Variants in PAPPA2 observed in about 807,000 individuals in gnomAD.
PAPPA2 encodes pappalysin-2.
A neutral mutation model predicts 176.4 loss-of-function variants in PAPPA2; 86 were observed. The observed-to-expected ratio is 0.49, with a 90% CI of 0.41 to 0.58. PAPPA2 has a LOEUF of 0.58. Among genes scored for constraint, PAPPA2 ranks in the 20% least tolerant of loss-of-function variants. The pLI is 0.00. For missense variants in PAPPA2, 2,073 were observed against 2,256.9 expected (o/e 0.92, Z 1.65); for synonymous variants, 809 against 852.2 (o/e 0.95, Z 0.88).
intron 2 of PAPPA2, among the ~76,000 whole-genome samples, chr1:176,581,954 C>T (rs1653004169): frequency 8.5e-6 from 1 of 117,326 alleles, no homozygotes; most frequent in Admixed American, 1.1e-4. Flanking sequence ...GACGGAGTCT[C>T]ACTCTGTTGC....
intron 1 of PAPPA2, among the ~76,000 whole-genome samples, chr1:176,551,488 C>A (rs972000654): frequency 2.0e-5 from 3 of 152,200 alleles, no homozygotes; most frequent in East Asian, 1.9e-4. Context: ...TAAGGGGCAT[C>A]TCTCTTTCTC....
intron 21 of PAPPA2, among the ~76,000 whole-genome samples, chr1:176,826,454 A>G (rs926032946): frequency 6.6e-6 from 1 of 152,216 alleles, no homozygotes; most frequent in African/African-American, 2.4e-5. Flanking sequence ...GGGAATGTAA[A>G]CAAGACACTC....
intron 3 of PAPPA2, among the ~76,000 whole-genome samples, chr1:176,635,519 G>T (rs1303995224): frequency 6.6e-6 from 1 of 152,084 alleles, no homozygotes; most frequent in East Asian, 1.9e-4. Flanking sequence ...CTCTCAAATG[G>T]CAGCCTTCAT....
intron 21 of PAPPA2, among the ~76,000 whole-genome samples, chr1:176,813,485 A>T (rs1557887586): frequency 6.6e-6 from 1 of 152,138 alleles, no homozygotes; most frequent in African/African-American, 2.4e-5. Context: ...AGCCATTCTC[A>T]CTGGCATGAA....
intron 3 of PAPPA2, among the ~76,000 whole-genome samples, chr1:176,652,841 G>A (rs1347264705): frequency 6.6e-6 from 1 of 151,642 alleles, no homozygotes; most frequent in Non-Finnish European, 1.5e-5. Context: ...ACATGGTGCT[G>A]GGCAGGTTGT....
At chr1:176,798,154 A>G (rs993944388) in intron 20 of PAPPA2, among the ~76,000 whole-genome samples, 6 of 152,266 alleles carry the variant, frequency 3.9e-5, no homozygotes, top group African/African-American at 1.4e-4. Context: ...TTAAAAATCT[A>G]TAAGGTGGGT....
intron 2 of PAPPA2, among the ~76,000 whole-genome samples, chr1:176,573,081 A>T (rs1018500952): frequency 6.6e-6 from 1 of 152,176 alleles, no homozygotes; most frequent in Non-Finnish European, 1.5e-5. Context: ...GTGCTGAGGC[A>T]TCCTGTTGTG....
chr1:176,474,736 A>G (rs1171987296), intron 1 of PAPPA2, among the ~76,000 whole-genome samples: 3 of 152,240 alleles, frequency 2.0e-5, no homozygotes, highest in South Asian at 2.1e-4. Flanking sequence ...TTAAATTTGT[A>G]TAGTATAAAA....
At chr1:176,542,688 C>T (rs534959106) in intron 1 of PAPPA2, among the ~76,000 whole-genome samples, 17 of 152,228 alleles carry the variant, frequency 1.1e-4, no homozygotes, top group South Asian at 6.2e-4. Context: ...GACAAGCTTA[C>T]GGGCTCAGAC....
chr1:176,745,120 C>T (rs1332507998), intron 14 of PAPPA2, among the ~76,000 whole-genome samples: 1 of 152,160 alleles, frequency 6.6e-6, no homozygotes, highest in Non-Finnish European at 1.5e-5. Context: ...CCACCCTCAT[C>T]ACATGTATTG....
intron 3 of PAPPA2, among the ~76,000 whole-genome samples, chr1:176,610,827 T>C (rs1479449612): frequency 6.6e-6 from 1 of 152,238 alleles, no homozygotes; most frequent in African/African-American, 2.4e-5. Flanking sequence ...TCTATTTATT[T>C]ATTCATTTAC....
At chr1:176,811,385 A>G (rs1019276735) in intron 21 of PAPPA2, among the ~76,000 whole-genome samples, 1 of 152,234 alleles carries the variant, frequency 6.6e-6, no homozygotes, top group Non-Finnish European at 1.5e-5. Flanking sequence ...CAAATCAGAT[A>G]TAATAATCAT....
Position 176,771,053 on chromosome 1 carries a change from A to G in PAPPA2, c.4588A>G (p.Ile1530Val), listed in dbSNP as rs2102913074. 6.2e-7 allele frequency: 1 copy of G among 1,614,034 alleles called. No homozygotes were observed. ...YCKLECDAPPIILNANLLLPH... is the reference protein window; with the variant it reads ...YCKLECDAPPVILNANLLLPH... ...CAAGTTGGAGTGTGATGCTCCCCCT[A>G]TTATTCTGAATGCCAACTTGCTCCT... The change falls in exon 17 of 23, where the codon ATT becomes GTT. Residue 1530 changes from isoleucine to valine, a missense_variant. Around this residue, in one of 4 missense-constraint regions of PAPPA2, gnomAD observed 846 missense variants for 857.9 expected, o/e 0.99. Transcript: ENST00000367662.
chr1:176,671,226 C>T (rs976093473), intron 4 of PAPPA2, 111 bp downstream of exon 4: 21 of 1,384,576 alleles, frequency 1.5e-5, no homozygotes, highest in Non-Finnish European at 2.1e-5. Flanking sequence ...TGAATTTACA[C>T]AGTGAATTAA....
At chr1:176,634,841 G>GATAGATAC (rs757081116) in intron 3 of PAPPA2, among the ~76,000 whole-genome samples, 199 of 115,990 alleles carry the variant, frequency 1.7e-3, no homozygotes, top group African/African-American at 4.1e-3. Context: ...TAGATAGATA[G>GATAGATAC]ATAGATACAT....
intron 17 of PAPPA2, among the ~76,000 whole-genome samples, chr1:176,774,292 C>G (rs1664355570): frequency 6.6e-6 from 1 of 152,174 alleles, no homozygotes; most frequent in Non-Finnish European, 1.5e-5. Context: ...TTCATACCTG[C>G]CACTATAGTA....
chr1:176,466,199 G>A (rs1651611709), intron 1 of PAPPA2, among the ~76,000 whole-genome samples: 1 of 152,088 alleles, frequency 6.6e-6, no homozygotes. Context: ...ATATGGGAAT[G>A]AATTATTGCA....
At chr1:176,611,010 C>A (rs774592548) in intron 3 of PAPPA2, among the ~76,000 whole-genome samples, 7 of 152,012 alleles carry the variant, frequency 4.6e-5, no homozygotes, top group Admixed American at 1.3e-4. Flanking sequence ...TATCTTTAGC[C>A]CCCTAAGTCT....
intron 6 of PAPPA2, among the ~76,000 whole-genome samples, chr1:176,694,453 C>A (rs1476704326): frequency 2.0e-5 from 3 of 152,334 alleles, no homozygotes; most frequent in South Asian, 4.1e-4. Flanking sequence ...ATGAAAAGCA[C>A]GACACAGCGG....
Sources: allele counts gnomAD v4.1 joint callset (sites outside exome capture counted in the v4.1 genomes callset), GRCh38; gene constraint gnomAD v4.1.1; regional missense constraint gnomAD v4.1.1; transcripts MANE v1.5; gene names NCBI Gene and HGNC (gene_info 2026-07-23, HGNC 2026-07-21).